The following LYRM4 variants were observed in gnomAD, a reference collection of about 807,000 sequenced individuals.
LYRM4 encodes the protein LYR motif containing 4.
A neutral mutation model predicts 11.7 loss-of-function variants in LYRM4; 9 were observed. The observed-to-expected ratio is 0.77, with a 90% CI of 0.46 to 1.34. The LOEUF (loss-of-function observed/expected upper bound fraction) is 1.34, where lower values mean the gene tolerates loss of function less well. Among genes scored for constraint, LYRM4 ranks in the 40% most tolerant of loss-of-function variants. LYRM4 has a pLI of 0.00. For missense variants in LYRM4, 133 were observed against 112.5 expected, an observed-to-expected ratio of 1.18 and a Z score of -0.82; for synonymous variants, 42 against 40.4, an observed-to-expected ratio of 1.04 and a Z score of -0.15.
At chr6:5,180,247 G>A (rs1043205575) in intron 2 of LYRM4, among the ~76,000 whole-genome samples, 7 of 152,090 alleles carry the variant, frequency 4.6e-5, no homozygotes, top group Admixed American at 1.3e-4. Flanking sequence ...GCCGTTCCCC[G>A]GGGCTACCAT....
intron 2 of LYRM4, among the ~76,000 whole-genome samples, chr6:5,114,051 C>A (rs1452554530): frequency 2.0e-5 from 3 of 152,156 alleles, no homozygotes; most frequent in Admixed American, 2.0e-4. Flanking sequence ...CTAGAGGTGG[C>A]CAATGAGGTG....
At position 5,195,878 on chromosome 6, in the gene LYRM4, A is replaced by C. The variant is rs73363054; in HGVS notation, c.207+20740T>G. On this transcript the variant is annotated intron_variant, in intron 2 of 2. Coordinates refer to ENST00000330636, the MANE Select transcript of LYRM4 (RefSeq NM_020408.6). ...CTGTCTTATCTATCACTGTATCCCC[A>C]GAATTAATGAATAAATATTGAATGA... Among the ~76,000 whole-genome samples the C allele has an allele frequency of 1.1e-3, 163 of 152,334 alleles. 3 individuals are homozygous for C. Among genetic ancestry groups the C allele is most frequent in the African/African-American group, 3.8e-3 (158 of 41,580 alleles).
At chr6:5,033,417 C>T in the LYRM4 span, 3 of 152,390 alleles carry the variant, frequency 2.0e-5, no homozygotes, top group African/African-American at 7.2e-5. Context: ...TGCCCTACAC[C>T]CCAGCATGTG....
intron 1 of LYRM4, among the ~76,000 whole-genome samples, chr6:5,251,790 G>A (rs1305624444): frequency 6.6e-6 from 1 of 152,126 alleles, no homozygotes; most frequent in African/African-American, 2.4e-5. Flanking sequence ...GGTGGAAGAG[G>A]CAGTCACTGT....
chr6:5,070,012 T>C, the LYRM4 span, among the ~76,000 whole-genome samples: 4 of 152,244 alleles, frequency 2.6e-5, no homozygotes, highest in South Asian at 8.3e-4. Context: ...CAGCACATGC[T>C]AGGCTTAGCA....
intron 1 of LYRM4, among the ~76,000 whole-genome samples, chr6:5,231,787 T>C (rs1239637654): frequency 6.6e-6 from 1 of 152,216 alleles, no homozygotes; most frequent in Non-Finnish European, 1.5e-5. Context: ...GAGTGCCATA[T>C]TGTCTTGAAA....
At chr6:5,175,246 C>T (rs1759651486) in intron 2 of LYRM4, among the ~76,000 whole-genome samples, 1 of 152,168 alleles carries the variant, frequency 6.6e-6, no homozygotes, top group Non-Finnish European at 1.5e-5. Context: ...GCTTTTAAAA[C>T]ATTATGAAGC....
At chr6:5,054,157 C>G in the LYRM4 span, 8 of 981,024 alleles carry the variant, frequency 8.2e-6, no homozygotes, top group Non-Finnish European at 9.7e-6. Context: ...GTTTGAGTGT[C>G]TCTGCAGGGA....
At chr6:5,130,506 C>T (rs958618395) in intron 2 of LYRM4, among the ~76,000 whole-genome samples, 9 of 152,212 alleles carry the variant, frequency 5.9e-5, no homozygotes, top group Non-Finnish European at 1.3e-4. Flanking sequence ...ACTGTAGGCA[C>T]ATGGGGTGCT....
At chr6:5,218,247 C>G (rs1057427716) in intron 1 of LYRM4, 24 of 985,136 alleles carry the variant, frequency 2.4e-5, no homozygotes, top group Non-Finnish European at 2.8e-5. Context: ...CTGCTTTTAA[C>G]TTGGAGCACC....
the LYRM4 span, among the ~76,000 whole-genome samples, chr6:5,081,662 TAGAA>T: frequency 2.0e-5 from 3 of 152,240 alleles, no homozygotes; most frequent in Non-Finnish European, 4.4e-5. Flanking sequence ...GTTCCTGAAA[TAGAA>T]AGGCTAAAAC....
intron 2 of LYRM4, among the ~76,000 whole-genome samples, chr6:5,138,544 T>G (rs1034261454): frequency 2.3e-5 from 3 of 132,838 alleles, no homozygotes; most frequent in African/African-American, 5.8e-5. Context: ...ACTTAAAGAA[T>G]TTTTATCAGT....
intron 2 of LYRM4, among the ~76,000 whole-genome samples, chr6:5,155,738 C>G (rs1388542190): frequency 1.3e-5 from 2 of 152,194 alleles, no homozygotes; most frequent in East Asian, 3.9e-4. Flanking sequence ...CCTCTCCCAG[C>G]TACTTTGAAG....
intron 2 of LYRM4, among the ~76,000 whole-genome samples, chr6:5,185,121 C>T (rs536581797): frequency 2.6e-5 from 4 of 152,216 alleles, no homozygotes; most frequent in Admixed American, 6.5e-5. Flanking sequence ...CCTAGCTCCT[C>T]GAGGGTCGAG....
chr6:5,174,058 C>T (rs1759580511), intron 2 of LYRM4, among the ~76,000 whole-genome samples: 1 of 152,170 alleles, frequency 6.6e-6, no homozygotes, highest in South Asian at 2.1e-4. Flanking sequence ...GAACTGCAAC[C>T]CAGTGTGCAA....
At chr6:5,085,836 A>G in the LYRM4 span, 1,527,889 of 1,527,890 alleles carry the variant, frequency 1, 763,944 homozygotes, top group Non-Finnish European at 1. Context: ...CGGAGGACGC[A>G]CAGCTCGGCC....
chr6:5,041,932 A>G, the LYRM4 span, among the ~76,000 whole-genome samples: 1 of 152,248 alleles, frequency 6.6e-6, no homozygotes, highest in Non-Finnish European at 1.5e-5. Context: ...TATGTGCCAC[A>G]CAATGATTTA....
chr6:5,068,291 T>G, the LYRM4 span, among the ~76,000 whole-genome samples: 2 of 151,970 alleles, frequency 1.3e-5, no homozygotes, highest in Non-Finnish European at 1.5e-5. The surrounding 1 kb of genome is among the most constrained non-coding windows in gnomAD (Gnocchi z 4.0). Flanking sequence ...AAGGTAAACA[T>G]GGTGAAAGGT....
chr6:5,166,379 C>T (rs543350061), intron 2 of LYRM4, among the ~76,000 whole-genome samples: 1 of 152,332 alleles, frequency 6.6e-6, no homozygotes, highest in Admixed American at 6.5e-5. Flanking sequence ...TTTTAGAAAG[C>T]CCTGTCACGT....
Sources: allele counts gnomAD v4.1 joint callset (sites outside exome capture counted in the v4.1 genomes callset), GRCh38; gene constraint gnomAD v4.1.1; non-coding constraint Gnocchi (gnomAD v3.1); transcripts MANE v1.5; gene names NCBI Gene and HGNC (gene_info 2026-07-23, HGNC 2026-07-21).